The following PDZRN3 variants were observed in gnomAD, a reference collection of about 807,000 sequenced individuals.
PDZRN3 encodes the protein E3 ubiquitin-protein ligase PDZRN3.
Under a neutral mutation model 85.7 loss-of-function variants are expected in PDZRN3, and 38 were observed. The observed-to-expected ratio is 0.44, with a 90% CI of 0.34 to 0.58. The LOEUF is 0.58. PDZRN3 is among the 20% of genes least tolerant of loss of function. PDZRN3 has a pLI of 0.01. For synonymous variants in PDZRN3, 759 were observed against 638.0 expected (o/e 1.19, Z -2.86); for missense variants, 1,629 against 1,506.4 (o/e 1.08, Z -1.35).
chr3:73,470,417 T>C (rs907114111), intron 3 of PDZRN3, among the ~76,000 whole-genome samples: 3 of 152,302 alleles, frequency 2.0e-5, no homozygotes, highest in African/African-American at 4.8e-5. Flanking sequence ...CTAAGTACTT[T>C]GTTCATACCA....
At chr3:73,580,006 C>T (rs185144549) in intron 3 of PDZRN3, among the ~76,000 whole-genome samples, 56 of 152,290 alleles carry the variant, frequency 3.7e-4, no homozygotes, top group African/African-American at 1.3e-3. Flanking sequence ...GAAGTCTCCA[C>T]CTATCATTTC....
At chr3:73,511,224 G>A (rs569350196) in intron 3 of PDZRN3, among the ~76,000 whole-genome samples, 3 of 152,056 alleles carry the variant, frequency 2.0e-5, no homozygotes, top group South Asian at 2.1e-4. Flanking sequence ...GTAACCCATC[G>A]TGGTCTCTGA....
At chr3:73,389,744 AC>A (rs1701480384) in intron 7 of PDZRN3, 71 bp downstream of exon 7, 2 of 1,093,100 alleles carry the variant, frequency 1.8e-6, no homozygotes, top group Non-Finnish European at 2.8e-6. Context: ...TCAACCCTAG[AC>A]CTATCATTAG....
Position 73,611,200 on chromosome 3 carries a change from A to C in PDZRN3, c.724-2516T>G, listed in dbSNP as rs1016371593. Among the ~76,000 whole-genome samples the C allele has an allele frequency of 5.9e-5, 9 of 152,328 alleles. No homozygotes were observed. In the South Asian group the frequency reaches 6.2e-4, roughly 11 times the overall value. ...TGGTTTTATTGTTGAAATTCCAAAAAAGAACTTATCAAAGGAAGGCTTACC... is the reference window on the plus strand; with the variant it reads ...TGGTTTTATTGTTGAAATTCCAAAACAGAACTTATCAAAGGAAGGCTTACC... On this transcript the variant is annotated intron_variant, in intron 1 of 9. Transcript: ENST00000263666.
intron 3 of PDZRN3, among the ~76,000 whole-genome samples, chr3:73,559,900 T>C (rs1346419908): frequency 1.3e-5 from 2 of 152,242 alleles, no homozygotes; most frequent in African/African-American, 4.8e-5. Context: ...TTAGAGTCAA[T>C]ATTTACATTC....
intron 3 of PDZRN3, among the ~76,000 whole-genome samples, chr3:73,562,258 C>A (rs1219080595): frequency 3.3e-5 from 5 of 151,992 alleles, no homozygotes; most frequent in African/African-American, 1.2e-4. Context: ...CATGAGAATA[C>A]CATTAACATC....
intron 3 of PDZRN3, among the ~76,000 whole-genome samples, chr3:73,592,642 C>T (rs867807063): frequency 6.6e-6 from 1 of 152,202 alleles, no homozygotes; most frequent in Admixed American, 6.5e-5. Flanking sequence ...CACTGTGGCA[C>T]TTGGCATGGC....
chr3:73,426,670 C>A (rs1373317372), intron 3 of PDZRN3, among the ~76,000 whole-genome samples: 1 of 152,188 alleles, frequency 6.6e-6, no homozygotes, highest in African/African-American at 2.4e-5. Context: ...CCTCTTCCAG[C>A]ATTTTTGATT....
At chr3:73,583,475 A>T (rs1338756871) in intron 3 of PDZRN3, among the ~76,000 whole-genome samples, 3 of 152,186 alleles carry the variant, frequency 2.0e-5, no homozygotes, top group Non-Finnish European at 4.4e-5. Context: ...ACCTGGGAAC[A>T]TATGCATGAA....
intron 3 of PDZRN3, among the ~76,000 whole-genome samples, chr3:73,568,590 A>G (rs1701989535): frequency 6.6e-6 from 1 of 152,178 alleles, no homozygotes; most frequent in South Asian, 2.1e-4. Flanking sequence ...TACCTTCCAA[A>G]TATCACGCAT....
chr3:73,549,395 C>A (rs952787866), intron 3 of PDZRN3, among the ~76,000 whole-genome samples: 5 of 152,154 alleles, frequency 3.3e-5, no homozygotes, highest in African/African-American at 1.2e-4. Context: ...AATCAAGCTG[C>A]CCTGTCTGCT....
intron 3 of PDZRN3, 139 bp from the exon 4 acceptor site, chr3:73,404,534 G>C: frequency 1.2e-6 from 1 of 851,066 alleles, no homozygotes; most frequent in Non-Finnish European, 1.8e-6. Flanking sequence ...TCAGTTCTCT[G>C]TGTTTAGGTT....
chr3:73,587,210 A>C (rs1275236035), intron 3 of PDZRN3, among the ~76,000 whole-genome samples: 2 of 152,238 alleles, frequency 1.3e-5, no homozygotes, highest in African/African-American at 4.8e-5. Context: ...TAGAAGAAAA[A>C]GAGTAAAATA....
At chr3:73,439,699 G>A (rs539072251) in intron 3 of PDZRN3, among the ~76,000 whole-genome samples, 1 of 152,052 alleles carries the variant, frequency 6.6e-6, no homozygotes, top group African/African-American at 2.4e-5. Context: ...GAAAAGCTAT[G>A]TAAGCTCAGA....
chr3:73,535,568 A>C (rs1344467683), intron 3 of PDZRN3, among the ~76,000 whole-genome samples: 5 of 152,238 alleles, frequency 3.3e-5, no homozygotes, highest in Non-Finnish European at 7.3e-5. Context: ...AGAAAATAAA[A>C]ACAGACACAT....
intron 3 of PDZRN3, among the ~76,000 whole-genome samples, chr3:73,526,674 TTGTTGTTGTTGC>T (rs1326099827): frequency 6.6e-6 from 1 of 151,984 alleles, no homozygotes; most frequent in East Asian, 1.9e-4. Context: ...GTCTTAGTTG[TTGTTGTTGTTGC>T]TGTTGTTGTT....
intron 1 of PDZRN3, among the ~76,000 whole-genome samples, chr3:73,618,919 GC>G (rs2106917709): frequency 6.6e-6 from 1 of 152,292 alleles, no homozygotes; most frequent in Non-Finnish European, 1.5e-5. Context: ...CTGTGCAGGA[GC>G]TTTTCAGAAA....
At chr3:73,560,218 T>C (rs1189273233) in intron 3 of PDZRN3, among the ~76,000 whole-genome samples, 5 of 152,266 alleles carry the variant, frequency 3.3e-5, no homozygotes, top group South Asian at 2.1e-4. Context: ...GCTCCTTTTA[T>C]GTGCCAAAAG....
chr3:73,572,550 C>T (rs551546901), intron 3 of PDZRN3, among the ~76,000 whole-genome samples: 3 of 152,254 alleles, frequency 2.0e-5, no homozygotes, highest in African/African-American at 4.8e-5. Flanking sequence ...GTGAACAACT[C>T]CCATAAATCA....
Sources: allele counts gnomAD v4.1 joint callset (sites outside exome capture counted in the v4.1 genomes callset), GRCh38; gene constraint gnomAD v4.1.1; transcripts MANE v1.5; gene names NCBI Gene and HGNC (gene_info 2026-07-23, HGNC 2026-07-21).